SETX: variants seen among roughly 807,000 people sequenced by gnomAD.
SETX encodes helicase senataxin.
A neutral mutation model predicts 227.2 loss-of-function variants in SETX; 90 were observed. The ratio of observed to expected loss-of-function variants is 0.40; its 90% confidence interval spans 0.33 to 0.47. The LOEUF (loss-of-function observed/expected upper bound fraction) is 0.47, where lower values mean the gene tolerates loss of function less well. Among genes scored for constraint, SETX ranks in the 20% least tolerant of loss-of-function variants. The pLI is 0.91. For missense variants in SETX, 3,052 were observed against 3,181.5 expected (o/e 0.96, Z 0.98); for synonymous variants, 1,210 against 1,113.2 (o/e 1.09, Z -1.73).
intron 23 of SETX, among the ~76,000 whole-genome samples, chr9:132,273,138 A>C (rs148044905): frequency 6.6e-6 from 1 of 152,160 alleles, no homozygotes; most frequent in African/African-American, 2.4e-5. Flanking sequence ...CCATGAAAAC[A>C]GGATGTCTTC....
chr9:132,335,189 G>C lies in SETX; in HGVS notation c.719-462C>G, dbSNP rs201764665. Among the ~76,000 whole-genome samples, 13 of 151,880 alleles carry C rather than the reference G, an allele frequency of 8.6e-5. No homozygotes were observed. In the East Asian group the frequency reaches 1.8e-3, roughly 21 times the overall value. On this transcript the variant is annotated intron_variant, in intron 6 of 25. Coordinates refer to ENST00000224140, the MANE Select transcript of SETX (RefSeq NM_015046.7). ...GCAGATCACAAAGTCAGGAGATCGA[G>C]ACCATCCTGGCTAACATGGTGAAAC... is the stretch of plus-strand genomic sequence containing the variant.
intron 10 of SETX, among the ~76,000 whole-genome samples, chr9:132,316,472 A>G (rs1845974436): frequency 6.6e-6 from 1 of 152,188 alleles, no homozygotes; most frequent in Admixed American, 6.5e-5. Flanking sequence ...ATATTCATTA[A>G]TCCATTAATG....
intron 11 of SETX, among the ~76,000 whole-genome samples, chr9:132,310,561 T>G (rs1472961600): frequency 6.6e-6 from 1 of 152,236 alleles, no homozygotes; most frequent in Non-Finnish European, 1.5e-5. Flanking sequence ...ATCTAGGAAC[T>G]TAGATTTTAG....
intron 24 of SETX, among the ~76,000 whole-genome samples, 171 bp from the exon 25 acceptor site, chr9:132,269,873 CGTGTG>C (rs1842815090): frequency 7.0e-6 from 1 of 143,672 alleles, no homozygotes; most frequent in Admixed American, 6.9e-5. Context: ...TCAGCGTGCC[CGTGTG>C]AGACACAGGT....
chr9:132,275,899 G>A (rs1843135534), intron 22 of SETX, among the ~76,000 whole-genome samples: 1 of 151,994 alleles, frequency 6.6e-6, no homozygotes. Flanking sequence ...CCACACAACC[G>A]AGCAGCTGCC....
rs1554820219 is a variant in SETX at position 132,326,997 on chromosome 9, T to A, written c.4601A>T (p.Asp1534Val). ...TTCCAACTGAGGCCGACTTACAGAA[T>A]CTTCTTCAACCTCAACTGTATCTTT... ...HGKDTVEVEE[D>V]SVSRPQLESL... The change falls in exon 10 of 26, where the codon GAT becomes GTT. Residue 1534 changes from aspartate to valine, a missense_variant. By Grantham distance (152) the Asp-to-Val change is radical. Around this residue, in one of 10 missense-constraint regions of SETX, gnomAD observed 1,483 missense variants for 1,312.0 expected, o/e 1.13. Transcript: ENST00000224140. 1 of 1,614,232 alleles carries A rather than the reference T, an allele frequency of 6.2e-7. No individual in the cohort carries two copies.
At chr9:132,269,207 C>A (rs1842783594) in intron 25 of SETX, among the ~76,000 whole-genome samples, 1 of 151,628 alleles carries the variant, frequency 6.6e-6, no homozygotes, top group African/African-American at 2.4e-5. Context: ...CAGCACAGCT[C>A]CCAGTGCCAG....
rs748187077 is a variant in SETX at position 132,277,056 on chromosome 9, A to G, written c.6935+4T>C. On this transcript the variant is annotated splice_donor_region_variant and intron_variant, in intron 22 of 25. Coordinates refer to ENST00000224140, the MANE Select transcript of SETX (RefSeq NM_015046.7). ...CAGAGGACTGAGGCAAGAGGAAAACATACTCATTATCCCGTCTTTCTGAAC... is the reference window on the plus strand; with the variant it reads ...CAGAGGACTGAGGCAAGAGGAAAACGTACTCATTATCCCGTCTTTCTGAAC... 4 of 1,612,026 alleles carry G rather than the reference A, an allele frequency of 2.5e-6. No homozygotes were observed. Among genetic ancestry groups the G allele is most frequent in the Admixed American group, 3.3e-5 (2 of 60,000 alleles).
Position 132,315,600 on chromosome 9 carries a change from T to C in SETX, c.5275-3744A>G, listed in dbSNP as rs139641893. On this transcript the variant is annotated intron_variant, in intron 10 of 25. Coordinates refer to ENST00000224140, the MANE Select transcript of SETX (RefSeq NM_015046.7). The stretch of plus-strand genomic sequence containing the variant: ...AATGACCATTCAGCTTAGTGCCCCC[T>C]TTTTCCTGCTCCCAATCAATATGTA... Among the ~76,000 whole-genome samples the C allele has an allele frequency of 1.6e-3, 248 of 152,236 alleles. 1 individual carries two copies. The highest frequency in any genetic ancestry group is 5.5e-3 in the African/African-American group (229 of 41,544).
chr9:132,320,420 A>G (rs896986579), intron 10 of SETX, among the ~76,000 whole-genome samples: 2 of 152,070 alleles, frequency 1.3e-5, no homozygotes, highest in Non-Finnish European at 2.9e-5. Context: ...CTAAAAATAC[A>G]AAAACAAAAA....
intron 10 of SETX, among the ~76,000 whole-genome samples, chr9:132,323,432 G>A (rs578093553): frequency 4.9e-4 from 74 of 152,146 alleles, no homozygotes; most frequent in Non-Finnish European, 8.7e-4. Flanking sequence ...CTTTCACATA[G>A]TCAAAATAAC....
Position 132,326,404 on chromosome 9 carries a change from G to A in SETX, c.5194C>T (p.Pro1732Ser). ...TAATTGTGAAATCTGACAGGCACAG[G>A]TCTTGAGATGGACTGACAAAGACTT... ...PASLCQSISR[P>S]VPVRFHNYGD... is the part of the protein sequence containing the mutation. Residue 1732 changes from proline to serine, a missense_variant, in exon 10 of 26, where the codon CCT (proline) becomes TCT (serine). Pro to Ser is a moderately conservative substitution (Grantham distance 74). Coordinates refer to ENST00000224140, the MANE Select transcript of SETX (RefSeq NM_015046.7). 1 of 1,614,088 alleles carries A rather than the reference G, an allele frequency of 6.2e-7. No individual in the cohort carries two copies. The highest frequency in any genetic ancestry group is 8.5e-7 in the Non-Finnish European group (1 of 1,179,934).
intron 2 of SETX, among the ~76,000 whole-genome samples, chr9:132,352,457 A>C (rs921282237): frequency 6.6e-6 from 1 of 152,352 alleles, no homozygotes; most frequent in South Asian, 2.1e-4. Context: ...AATGTATTGT[A>C]AAACTTAATG....
At chr9:132,269,272 C>A (rs1012904009) in intron 25 of SETX, 33 of 542,650 alleles carry the variant, frequency 6.1e-5, no homozygotes, top group South Asian at 1.1e-4. Flanking sequence ...TTAAGCTGGG[C>A]CAATAACAGC....
Position 132,328,429 on chromosome 9 carries a change from CCTTA to C in SETX, c.3165_3168del (p.Ser1055ArgfsTer7). The C allele has an allele frequency of 1.2e-6, 2 of 1,613,898 alleles. No individual in the cohort carries two copies. The highest frequency in any genetic ancestry group is 1.3e-5 in the African/African-American group (1 of 75,010). On this transcript the variant is annotated frameshift_variant, in exon 10 of 26. Transcript: ENST00000224140. LOFTEE classifies it high-confidence loss of function. ...TCTTCCTTTACTGGATTCTTTTCCT[CCTTA>C]CTATTAACTGTTGAAACGTGCTGCT...
At chr9:132,334,797 AAAG>A (rs1847487454) in intron 6 of SETX, 70 bp from the exon 7 acceptor site, 7 of 1,532,226 alleles carry the variant, frequency 4.6e-6, no homozygotes, top group Admixed American at 3.3e-5. Flanking sequence ...TTAGTTTGCA[AAAG>A]AATAACAAGG....
intron 5 of SETX, among the ~76,000 whole-genome samples, 165 bp downstream of exon 5, chr9:132,342,525 T>C (rs566222507): frequency 2.0e-5 from 3 of 152,338 alleles, no homozygotes; most frequent in African/African-American, 7.2e-5. Context: ...TGAGATCCCC[T>C]CTTCTTTGAC....
intron 11 of SETX, among the ~76,000 whole-genome samples, chr9:132,311,536 CT>C (rs2131354503): frequency 6.6e-6 from 1 of 152,238 alleles, no homozygotes; most frequent in South Asian, 2.1e-4. Context: ...ACAATTCAGC[CT>C]GTAGTATTCT....
Position 132,261,692 on chromosome 9 carries a change from T to C in SETX, c.*2547A>G, listed in dbSNP as rs1182553525. 6.5e-6 allele frequency: 1 copy of C among 153,320 alleles called. No homozygotes were observed. The highest frequency in any genetic ancestry group is 2.4e-5 in the African/African-American group (1 of 41,496). The allele number at this position is 153,320 out of a possible 1,614,324, so 9.5% of individuals were successfully genotyped here. A position where few individuals can be genotyped will look rare whatever the true frequency, so the allele number is the denominator to read the frequency against. ...GTTATAAAATTCATTTACAGGAGGT[T>C]ATTCACATGTACTTGTCAAATTTAC... On this transcript the variant is annotated 3_prime_UTR_variant, in exon 26 of 26. Transcript: ENST00000224140.
Sources: allele counts gnomAD v4.1 joint callset (sites outside exome capture counted in the v4.1 genomes callset), GRCh38; gene constraint gnomAD v4.1.1; regional missense constraint gnomAD v4.1.1; transcripts MANE v1.5; gene names NCBI Gene and HGNC (gene_info 2026-07-23, HGNC 2026-07-21).